The following SAMD12 variants were observed in gnomAD, a reference collection of about 807,000 sequenced individuals.
The protein encoded by SAMD12 is sterile alpha motif domain containing 12.
A neutral mutation model predicts 15.0 loss-of-function variants in SAMD12; 9 were observed. That is an observed-to-expected ratio of 0.60 (90% CI 0.36 to 1.05). The LOEUF is 1.05. SAMD12 is among the 50% of genes least tolerant of loss of function. The pLI, the probability that SAMD12 is intolerant of heterozygous loss-of-function variation, is 0.01. For synonymous variants in SAMD12, 86 were observed against 90.1 expected (o/e 0.96, Z 0.25); for missense variants, 230 against 234.2 (o/e 0.98, Z 0.12).
chr8:118,357,604 C>CCTAATTAACATTCTAATTAATT (rs1336066993), intron 4 of SAMD12, among the ~76,000 whole-genome samples: 1 of 152,040 alleles, frequency 6.6e-6, no homozygotes, highest in East Asian at 1.9e-4. Context: ...TGTTAATTAG[C>CCTAATTAACATTCTAATTAATT]CTAATTAATC....
intron 2 of SAMD12, among the ~76,000 whole-genome samples, chr8:118,475,576 C>T (rs1823936413): frequency 6.6e-6 from 1 of 152,186 alleles, no homozygotes; most frequent in Non-Finnish European, 1.5e-5. Context: ...GATCATAAGG[C>T]TAATAAATTG....
intron 2 of SAMD12, among the ~76,000 whole-genome samples, chr8:118,442,367 C>A (rs1212323200): frequency 1.3e-5 from 2 of 152,168 alleles, no homozygotes; most frequent in African/African-American, 4.8e-5. Flanking sequence ...GCTTCTCTAC[C>A]CTGCTGTGTG....
intron 4 of SAMD12, among the ~76,000 whole-genome samples, chr8:118,202,457 C>T (rs1819740982): frequency 6.6e-6 from 1 of 152,148 alleles, no homozygotes; most frequent in South Asian, 2.1e-4. Context: ...ACAGACAGTT[C>T]CATGAGAAAG....
the SAMD12 span, among the ~76,000 whole-genome samples, chr8:118,140,192 T>C: frequency 2.0e-5 from 3 of 152,128 alleles, no homozygotes; most frequent in African/African-American, 7.2e-5. Flanking sequence ...AAACAGTACA[T>C]GATATTATGA....
intron 1 of SAMD12, among the ~76,000 whole-genome samples, chr8:118,614,341 C>G (rs930832297): frequency 6.6e-6 from 1 of 152,178 alleles, no homozygotes; most frequent in Non-Finnish European, 1.5e-5. Flanking sequence ...GATAGACAGG[C>G]AAAGGAGTCT....
intron 4 of SAMD12, among the ~76,000 whole-genome samples, chr8:118,271,063 T>C (rs1029714545): frequency 3.3e-5 from 5 of 152,158 alleles, no homozygotes; most frequent in African/African-American, 4.8e-5. Flanking sequence ...ACTGCTTGAA[T>C]GCATAGAAAG....
At chr8:118,501,118 C>T (rs904901319) in intron 2 of SAMD12, among the ~76,000 whole-genome samples, 3 of 152,158 alleles carry the variant, frequency 2.0e-5, no homozygotes, top group Non-Finnish European at 4.4e-5. Context: ...TGGGTGTTTG[C>T]AAGCCAATCT....
At chr8:118,448,612 G>T (rs1416832789) in intron 2 of SAMD12, among the ~76,000 whole-genome samples, 1 of 152,216 alleles carries the variant, frequency 6.6e-6, no homozygotes, top group African/African-American at 2.4e-5. Flanking sequence ...GACTAAAACA[G>T]CCTTTCCTCC....
At chr8:118,355,848 C>G (rs1818202515) in intron 4 of SAMD12, among the ~76,000 whole-genome samples, 1 of 152,178 alleles carries the variant, frequency 6.6e-6, no homozygotes, top group South Asian at 2.1e-4. Flanking sequence ...ATTGGTACAA[C>G]CTTTGACTGT....
At chr8:118,520,333 A>T (rs936004280) in intron 2 of SAMD12, among the ~76,000 whole-genome samples, 1 of 152,166 alleles carries the variant, frequency 6.6e-6, no homozygotes, top group African/African-American at 2.4e-5. Flanking sequence ...TAACATTGGG[A>T]AGGTCTGAAC....
At chr8:118,593,141 C>T (rs1474239782) in intron 1 of SAMD12, among the ~76,000 whole-genome samples, 1 of 152,072 alleles carries the variant, frequency 6.6e-6, no homozygotes, top group African/African-American at 2.4e-5. Context: ...TGTATATGTG[C>T]ATATAACATA....
chr8:118,215,829 G>A (rs1277197151), intron 4 of SAMD12, among the ~76,000 whole-genome samples: 2 of 152,264 alleles, frequency 1.3e-5, no homozygotes, highest in African/African-American at 2.4e-5. Flanking sequence ...ATTCCATGGT[G>A]TATATGTGCC....
At chr8:118,479,258 T>C (rs1211332666) in intron 2 of SAMD12, among the ~76,000 whole-genome samples, 1 of 152,088 alleles carries the variant, frequency 6.6e-6, no homozygotes, top group African/African-American at 2.4e-5. Flanking sequence ...GCACTGGCTG[T>C]TCCCCCCACA....
chr8:118,368,976 A>T (rs1212932820), intron 4 of SAMD12, among the ~76,000 whole-genome samples: 1 of 152,114 alleles, frequency 6.6e-6, no homozygotes, highest in Non-Finnish European at 1.5e-5. Flanking sequence ...TATCCCACCT[A>T]TTCCCAAGTG....
intron 4 of SAMD12, among the ~76,000 whole-genome samples, chr8:118,305,126 G>A (rs1473955550): frequency 4.9e-5 from 6 of 122,348 alleles, no homozygotes; most frequent in Admixed American, 4.1e-4. Context: ...TACAGCCTGG[G>A]CAAAAGTGAC....
rs1563861828 is a variant in SAMD12 at position 118,440,690 on chromosome 8, AC to A, written c.193-730del. 1.8e-3 allele frequency among the ~76,000 whole-genome samples: 270 copies of A among 146,130 alleles called. No homozygotes were observed. In the Middle Eastern group the frequency reaches 0.027, roughly 14 times the overall value. On this transcript the variant is annotated intron_variant, in intron 2 of 3. Transcript: ENST00000314727. ...CACACACACACACACACACACACAC[AC>A]ACACAAACACACACACACACACACA...
At chr8:118,544,584 T>G (rs1475603361) in intron 2 of SAMD12, among the ~76,000 whole-genome samples, 1 of 152,112 alleles carries the variant, frequency 6.6e-6, no homozygotes, top group Non-Finnish European at 1.5e-5. Flanking sequence ...TCACATTCCT[T>G]GAAAATCACA....
chr8:118,371,883 G>A (rs1819115855), intron 4 of SAMD12, among the ~76,000 whole-genome samples: 1 of 152,136 alleles, frequency 6.6e-6, no homozygotes, highest in South Asian at 2.1e-4. Context: ...GCAGAAGAGG[G>A]CAGTTTGCCA....
chr8:118,303,766 T>C (rs1156478886), intron 4 of SAMD12, among the ~76,000 whole-genome samples: 3 of 152,156 alleles, frequency 2.0e-5, no homozygotes, highest in Non-Finnish European at 4.4e-5. Context: ...AGCATAGTTC[T>C]GGGAATAGGG....
Sources: gnomAD v4.1 joint callset for allele counts (sites outside exome capture counted in the v4.1 genomes callset) on GRCh38, gnomAD v4.1.1 for gene constraint, MANE v1.5 for transcripts, NCBI Gene and HGNC (gene_info 2026-07-23, HGNC 2026-07-21) for gene names.